The following ARID1B variants were observed in gnomAD, a reference collection of about 807,000 sequenced individuals.
ARID1B encodes the protein AT-rich interaction domain 1B, also known as AT-rich interactive domain-containing protein 1B.
A neutral mutation model predicts 212.3 loss-of-function variants in ARID1B; 30 were observed. The observed-to-expected ratio is 0.14, with a 90% CI of 0.11 to 0.19. The LOEUF is 0.19. ARID1B is among the 10% of genes least tolerant of loss of function. ARID1B has a pLI of 1.00. For synonymous variants in ARID1B, 1,402 were observed against 1,301.7 expected (o/e 1.08, Z -1.66); for missense variants, 2,891 against 3,204.0 (o/e 0.90, Z 2.36).
rs1051670086 is a variant in ARID1B at position 157,206,076 on chromosome 6, A to C, written c.5395-91A>C. 7.3e-7 allele frequency: 1 copy of C among 1,361,380 alleles called. No homozygotes were observed. The highest frequency in any genetic ancestry group is 1.0e-6 in the Non-Finnish European group (1 of 987,658). The allele number at this position is 1,361,380 out of a possible 1,614,324, so 84.3% of individuals were successfully genotyped here. Reference sequence around the variant, plus strand: ...GTGTGACAATGATGGAAAGGTATTGACGGGTCTCAGGATCTTTACCCTCCT... The same window carrying C: ...GTGTGACAATGATGGAAAGGTATTGCCGGGTCTCAGGATCTTTACCCTCCT... On this transcript the variant is annotated intron_variant, in intron 19 of 19. Transcript: ENST00000636930. The surrounding 1 kb of genome is among the most constrained non-coding windows in gnomAD (Gnocchi z 6.8).
At chr6:156,877,664 G>T (rs1442291420) in intron 2 of ARID1B, among the ~76,000 whole-genome samples, 1 of 151,674 alleles carries the variant, frequency 6.6e-6, no homozygotes, top group Non-Finnish European at 1.5e-5. Context: ...TCTGAAAGTT[G>T]GGTCCATGCC....
At chr6:157,039,674 C>CTTCTTTCTTTCTTTCT (rs1166401045) in intron 4 of ARID1B, among the ~76,000 whole-genome samples, 2 of 76,932 alleles carry the variant, frequency 2.6e-5, no homozygotes, top group African/African-American at 1.3e-4. Flanking sequence ...TCCTTCCTTC[C>CTTCTTTCTTTCTTTCT]TTCCTTCCTT....
intron 3 of ARID1B, among the ~76,000 whole-genome samples, chr6:156,932,614 A>AT (rs1791840327): frequency 6.6e-6 from 1 of 152,142 alleles, no homozygotes; most frequent in African/African-American, 2.4e-5. Context: ...TTTACTGTGT[A>AT]TTTGCTCTTC....
chr6:157,203,277 C>T lies in ARID1B; in HGVS notation c.5264-589C>T, dbSNP rs183582850. On this transcript the variant is annotated intron_variant, in intron 18 of 19. Transcript: ENST00000636930. This position sits in a 1 kb window ranked among gnomAD's most constrained non-coding sequence, Gnocchi z 4.4. ...TTACTTCCCATTCTGTGGCTCCAGCCATACTCCTGAGAAATCTGAGCCATC... is the reference window on the plus strand; with the variant it reads ...TTACTTCCCATTCTGTGGCTCCAGCTATACTCCTGAGAAATCTGAGCCATC... Among the ~76,000 whole-genome samples the T allele has an allele frequency of 4.6e-5, 7 of 152,288 alleles. No homozygotes were observed. Among genetic ancestry groups the T allele is most frequent in the Middle Eastern group, 3.4e-3 (1 of 294 alleles).
rs1302885019 is a variant in ARID1B, at chr6:156,955,464, G to C, written c.2247+19888G>C. ...TCCTTTCTGTATATGTTATAGTGCT[G>C]TCTTCCAGAATGACTTATTGTGGAT... On this transcript the variant is annotated intron_variant, in intron 4 of 19. Transcript: ENST00000636930. This position sits in a 1 kb window ranked among gnomAD's most constrained non-coding sequence, Gnocchi z 4.2. Among the ~76,000 whole-genome samples, 2 of 152,194 alleles carry C rather than the reference G, an allele frequency of 1.3e-5. No homozygotes were observed. The highest frequency in any genetic ancestry group is 2.9e-5 in the Non-Finnish European group (2 of 68,040).
intron 2 of ARID1B, among the ~76,000 whole-genome samples, chr6:156,894,984 G>A (rs1413973952): frequency 6.6e-6 from 1 of 152,168 alleles, no homozygotes; most frequent in East Asian, 1.9e-4. Flanking sequence ...GTGATGAACT[G>A]AACTAGCAAG....
rs1364534375 is a variant in ARID1B at position 157,168,144 on chromosome 6, T to G, written c.3235+959T>G. 5 of 152,346 alleles carry G rather than the reference T, an allele frequency of 3.3e-5. No homozygotes were observed. In the East Asian group the frequency reaches 7.7e-4, roughly 24 times the overall value. The allele number at this position is 152,346 out of a possible 1,614,324, so 9.4% of individuals were successfully genotyped here. ...CACCTCCTTTCTGGCCTCTCTGTCT[T>G]TGAAAGTTCATGTCCCTGTGTCCGG... On this transcript the variant is annotated intron_variant, in intron 9 of 19. Transcript: ENST00000636930.
chr6:156,864,226 T>G (rs2128132791), intron 2 of ARID1B, among the ~76,000 whole-genome samples: 1 of 152,292 alleles, frequency 6.6e-6, no homozygotes, highest in Non-Finnish European at 1.5e-5. Context: ...GGAATTGTAG[T>G]TTTCCACTTC....
chr6:156,835,146 A>G (rs1369497225), intron 2 of ARID1B, among the ~76,000 whole-genome samples: 1 of 151,020 alleles, frequency 6.6e-6, no homozygotes, highest in South Asian at 2.1e-4. Flanking sequence ...AAGCTGAGGC[A>G]GGAGTATGGT....
At chr6:156,996,533 C>A (rs1778601855) in intron 4 of ARID1B, among the ~76,000 whole-genome samples, 1 of 152,112 alleles carries the variant, frequency 6.6e-6, no homozygotes, top group Non-Finnish European at 1.5e-5. Flanking sequence ...ATAATATATA[C>A]CCTCAATGCA....
At chr6:157,098,342 A>C (rs562619921) in intron 5 of ARID1B, among the ~76,000 whole-genome samples, 4 of 152,298 alleles carry the variant, frequency 2.6e-5, no homozygotes, top group African/African-American at 9.6e-5. Context: ...GAGTGCTATG[A>C]ATCCGGACTT....
At chr6:157,155,447 A>T (rs888567069) in intron 8 of ARID1B, among the ~76,000 whole-genome samples, 8 of 152,180 alleles carry the variant, frequency 5.3e-5, no homozygotes, top group African/African-American at 1.9e-4. Flanking sequence ...ACTGAGCATC[A>T]GAAGAAGGAG....
chr6:157,099,947 T>G (rs1309775514), intron 5 of ARID1B, among the ~76,000 whole-genome samples: 2 of 152,174 alleles, frequency 1.3e-5, no homozygotes, highest in Non-Finnish European at 2.9e-5. Context: ...AAGTGCCCAT[T>G]TATCTGTATT....
At chr6:156,883,635 C>G (rs529189375) in intron 2 of ARID1B, among the ~76,000 whole-genome samples, 1 of 152,278 alleles carries the variant, frequency 6.6e-6, no homozygotes, top group South Asian at 2.1e-4. Flanking sequence ...AGCATGATCT[C>G]ACTCTCCGAT....
chr6:156,783,337 A>G (rs1431470459), intron 1 of ARID1B, among the ~76,000 whole-genome samples: 1 of 152,156 alleles, frequency 6.6e-6, no homozygotes, highest in Non-Finnish European at 1.5e-5. Flanking sequence ...GATATTTAAA[A>G]AAAAAAAACA....
chr6:156,921,018 A>G (rs922656272), intron 3 of ARID1B, among the ~76,000 whole-genome samples: 1 of 151,954 alleles, frequency 6.6e-6, no homozygotes, highest in African/African-American at 2.4e-5. Context: ...TAATTAATTA[A>G]TTAGCAGGGG....
At position 157,084,694 on chromosome 6, in the gene ARID1B, G is replaced by A. The variant is rs201290874; in HGVS notation, c.2280G>A (p.Thr760=). The A allele has an allele frequency of 1.2e-4, 189 of 1,613,932 alleles. No individual in the cohort carries two copies. The highest frequency in any genetic ancestry group is 1.1e-3 in the South Asian group (99 of 91,080). Residue 760 remains threonine, a synonymous_variant, in exon 5 of 20, where the codon ACG becomes ACA. Coordinates refer to ENST00000636930, the MANE Select transcript of ARID1B (RefSeq NM_001374828.1). Reference sequence around the variant, plus strand: ...CTGGCTCCATTGATGACCTCCCCACGGGAACGGAAGCAACTTTGAGCTCAG... The same window carrying A: ...CTGGCTCCATTGATGACCTCCCCACAGGAACGGAAGCAACTTTGAGCTCAG... ...DLSGSIDDLP[T]GTEATLSSAV... is the part of the protein sequence containing the mutation.
intron 4 of ARID1B, among the ~76,000 whole-genome samples, chr6:157,039,326 T>C (rs866510388): frequency 3.3e-5 from 4 of 120,508 alleles, no homozygotes; most frequent in Non-Finnish European, 5.3e-5. Flanking sequence ...ACATTTCTTT[T>C]TTTTTTTTTT....
intron 1 of ARID1B, among the ~76,000 whole-genome samples, chr6:156,814,678 G>C (rs1781838369): frequency 6.6e-6 from 1 of 152,178 alleles, no homozygotes; most frequent in Non-Finnish European, 1.5e-5. Flanking sequence ...TTAGGGACCT[G>C]TGTAGAATTG....
Sources: gnomAD v4.1 joint callset for allele counts (sites outside exome capture counted in the v4.1 genomes callset) on GRCh38, gnomAD v4.1.1 for gene constraint, Gnocchi (gnomAD v3.1) non-coding constraint, MANE v1.5 for transcripts, NCBI Gene and HGNC (gene_info 2026-07-23, HGNC 2026-07-21) for gene names.